The following KLF12 variants were observed in gnomAD, a reference collection of about 807,000 sequenced individuals.
KLF12 encodes the protein Krueppel-like factor 12.
A neutral mutation model predicts 37.8 loss-of-function variants in KLF12; 9 were observed. The observed-to-expected ratio is 0.24, with a 90% confidence interval of 0.14 to 0.42. The LOEUF (loss-of-function observed/expected upper bound fraction) is 0.42, where lower values mean the gene tolerates loss of function less well. Among genes scored for constraint, KLF12 ranks in the 10% least tolerant of loss-of-function variants. The pLI, the probability that KLF12 is intolerant of heterozygous loss-of-function variation, is 1.00. For synonymous variants in KLF12, 208 were observed against 202.1 expected (o/e 1.03, Z -0.25); for missense variants, 411 against 516.0 (o/e 0.80, Z 1.97).
intron 2 of KLF12, among the ~76,000 whole-genome samples, chr13:73,974,074 G>C (rs1335271154): frequency 6.6e-6 from 1 of 151,952 alleles, no homozygotes; most frequent in Non-Finnish European, 1.5e-5. Flanking sequence ...ATACAGAGGA[G>C]GAAGACAAAT....
At chr13:74,143,165 CTTCT>C in the KLF12 span, among the ~76,000 whole-genome samples, 1 of 151,438 alleles carries the variant, frequency 6.6e-6, no homozygotes, top group Non-Finnish European at 1.5e-5. Context: ...TCCTCTTCTT[CTTCT>C]TTCTTCTTTC....
chr13:74,181,418 C>T, the KLF12 span, among the ~76,000 whole-genome samples: 3 of 150,230 alleles, frequency 2.0e-5, no homozygotes, highest in South Asian at 2.1e-4. Context: ...TGTGGTGGCT[C>T]ACGCCTGTAA....
At chr13:73,972,478 T>C (rs1018896081) in intron 2 of KLF12, among the ~76,000 whole-genome samples, 1 of 151,742 alleles carries the variant, frequency 6.6e-6, no homozygotes, top group Non-Finnish European at 1.5e-5. Context: ...AATTTCCTTA[T>C]GAGACATCTC....
At chr13:74,165,977 G>A in the KLF12 span, among the ~76,000 whole-genome samples, 1 of 151,514 alleles carries the variant, frequency 6.6e-6, no homozygotes, top group African/African-American at 2.4e-5. Context: ...AGAAAGACTT[G>A]TTACATCTAT....
At chr13:73,938,985 C>T (rs728926) in intron 3 of KLF12, among the ~76,000 whole-genome samples, 52,185 of 152,102 alleles carry the variant, frequency 0.34, 9,102 homozygotes, top group Middle Eastern at 0.41. Flanking sequence ...CACTCAATTA[C>T]TGACTGCTTA....
chr13:74,275,432 G>A, the KLF12 span, among the ~76,000 whole-genome samples: 1 of 152,114 alleles, frequency 6.6e-6, no homozygotes, highest in Admixed American at 6.6e-5. Flanking sequence ...CAAACTACAT[G>A]TTGAATAATC....
At chr13:73,789,673 CTTTT>C (rs376606853) in intron 5 of KLF12, among the ~76,000 whole-genome samples, 22,633 of 141,678 alleles carry the variant, frequency 0.16, 2,106 homozygotes, top group African/African-American at 0.29. Flanking sequence ...TATCTCTAAT[CTTTT>C]TTTTTTTTTT....
At chr13:74,102,509 C>A (rs1876414048) in intron 1 of KLF12, among the ~76,000 whole-genome samples, 1 of 151,852 alleles carries the variant, frequency 6.6e-6, no homozygotes, top group African/African-American at 2.4e-5. Context: ...ACCAGCCTGG[C>A]CAACCTGGAG....
chr13:74,028,823 A>G (rs1001384104), intron 1 of KLF12, among the ~76,000 whole-genome samples: 4 of 91,894 alleles, frequency 4.4e-5, no homozygotes, highest in African/African-American at 1.6e-4. Context: ...TATAAGAAAA[A>G]GAGAAAGAAT....
At chr13:73,832,312 A>C (rs1490492788) in intron 4 of KLF12, among the ~76,000 whole-genome samples, 2 of 152,158 alleles carry the variant, frequency 1.3e-5, no homozygotes, top group African/African-American at 4.8e-5. Flanking sequence ...TTCGCCTCAA[A>C]TGCCACCTAC....
the KLF12 span, chr13:74,257,043 G>T: frequency 2.0e-5 from 3 of 152,194 alleles, no homozygotes; most frequent in Admixed American, 6.5e-5. Flanking sequence ...AAAAGTTGCG[G>T]TCGAAACACA....
At chr13:74,208,755 G>A in the KLF12 span, among the ~76,000 whole-genome samples, 4 of 152,230 alleles carry the variant, frequency 2.6e-5, no homozygotes, top group Non-Finnish European at 4.4e-5. Flanking sequence ...TGGGAGGACT[G>A]TTTGAGGCCA....
chr13:74,013,733 G>GATAA (rs1892610683), intron 1 of KLF12, among the ~76,000 whole-genome samples: 1 of 151,990 alleles, frequency 6.6e-6, no homozygotes, highest in African/African-American at 2.4e-5. Flanking sequence ...TACTTGTAGG[G>GATAA]TTTTTTGATA....
chr13:74,241,612 C>G, the KLF12 span, among the ~76,000 whole-genome samples: 1 of 152,188 alleles, frequency 6.6e-6, no homozygotes, highest in East Asian at 1.9e-4. Flanking sequence ...ACTCCGTGGG[C>G]GTAGGACCCT....
chr13:73,976,350 G>C (rs1891522065), intron 2 of KLF12, among the ~76,000 whole-genome samples: 1 of 152,138 alleles, frequency 6.6e-6, no homozygotes, highest in Non-Finnish European at 1.5e-5. Context: ...ATCATTCCAA[G>C]GAACCGGTTG....
intron 2 of KLF12, among the ~76,000 whole-genome samples, chr13:73,946,776 T>C (rs905684161): frequency 2.0e-5 from 3 of 152,252 alleles, no homozygotes; most frequent in African/African-American, 7.2e-5. Flanking sequence ...ATATGCCTGT[T>C]GCAAACACAT....
intron 7 of KLF12, among the ~76,000 whole-genome samples, chr13:73,707,632 G>A (rs1283058929): frequency 6.6e-6 from 1 of 152,114 alleles, no homozygotes; most frequent in Non-Finnish European, 1.5e-5. Flanking sequence ...GCTTTATGTG[G>A]AATGAGCTAT....
the KLF12 span, among the ~76,000 whole-genome samples, chr13:74,273,492 G>A: frequency 1.4e-5 from 2 of 148,104 alleles, no homozygotes; most frequent in Non-Finnish European, 3.0e-5. Context: ...TTCCATATTT[G>A]TGAAGTTTTC....
intron 5 of KLF12, among the ~76,000 whole-genome samples, chr13:73,811,807 C>T (rs143708073): frequency 1.3e-5 from 2 of 152,110 alleles, no homozygotes; most frequent in African/African-American, 4.8e-5. Context: ...TATGTATATT[C>T]ATATACAATA....
Sources: allele counts gnomAD v4.1 joint callset (sites outside exome capture counted in the v4.1 genomes callset), GRCh38; gene constraint gnomAD v4.1.1; transcripts MANE v1.5; gene names NCBI Gene and HGNC (gene_info 2026-07-23, HGNC 2026-07-21).